Variants in ERC1 observed in about 807,000 individuals in gnomAD.
ERC1 encodes RAB6 interacting protein 2.
A neutral mutation model predicts 132.0 loss-of-function variants in ERC1; 56 were observed. That is an observed-to-expected ratio of 0.42 (90% CI 0.34 to 0.53). The LOEUF (loss-of-function observed/expected upper bound fraction) is 0.53, where lower values mean the gene tolerates loss of function less well. Among genes scored for constraint, ERC1 ranks in the 20% least tolerant of loss-of-function variants. ERC1 has a pLI of 0.03. For missense variants in ERC1, 1,202 were observed against 1,349.9 expected, an observed-to-expected ratio of 0.89 and a Z score of 1.72; for synonymous variants, 478 against 476.1, an observed-to-expected ratio of 1.00 and a Z score of -0.05.
chr12:1,185,767 C>A, intron 11 of ERC1, among the ~76,000 whole-genome samples: 1 of 148,162 alleles, frequency 6.7e-6, no homozygotes. Flanking sequence ...GAGGTGACTA[C>A]AAAATAGAAA....
At chr12:1,424,523 AAC>A (rs902833731) in intron 17 of ERC1, among the ~76,000 whole-genome samples, 4 of 152,172 alleles carry the variant, frequency 2.6e-5, no homozygotes, top group African/African-American at 9.7e-5. Flanking sequence ...TCTCTAAAAG[AAC>A]CATTGGGAAA....
rs56939346 is a variant in ERC1 at position 1,493,548 on chromosome 12, A to AAAAAAAATAT, written c.*3319_*3320insAAAAAATATA. The AAAAAAAATAT allele has an allele frequency of 2.9e-4, 4 of 13,622 alleles. No homozygotes were observed. Among genetic ancestry groups the AAAAAAAATAT allele is most frequent in the Non-Finnish European group, 4.4e-4 (3 of 6,822 alleles). The allele number at this position is 13,622 out of a possible 1,614,324, so 0.8% of individuals were successfully genotyped here. A position where few individuals can be genotyped will look rare whatever the true frequency, so the allele number is the denominator to read the frequency against. On this transcript the variant is annotated 3_prime_UTR_variant, in exon 19 of 19. Coordinates refer to ENST00000360905, the MANE Select transcript of ERC1 (RefSeq NM_178040.4). ...ACTCCATTTAAAAAAAAAAAAAAAA[A>AAAAAAAATAT]ATATATATATATATATATATATATA...
At chr12:1,200,370 T>C (rs945081008) in intron 12 of ERC1, among the ~76,000 whole-genome samples, 4 of 152,148 alleles carry the variant, frequency 2.6e-5, no homozygotes, top group African/African-American at 4.8e-5. Flanking sequence ...TAAATGTTAC[T>C]TTTTTTGAAA....
rs1946399521 is a variant in ERC1 at position 1,115,974 on chromosome 12, G to A, written c.1510G>A (p.Glu504Lys). ...GTTCTCAGATAGTAAACAGCACATT[G>A]AAGTGTTGAAGGAGTCCTTGACTGC... The part of the protein sequence containing the change: ...NQFSDSKQHI[E>K]VLKESLTAKE... Residue 504 changes from glutamate to lysine, a missense_variant, in exon 7 of 19, where the codon GAA becomes AAA. Glu to Lys is a moderately conservative substitution (Grantham distance 56, BLOSUM62 1). Coordinates refer to ENST00000360905, the MANE Select transcript of ERC1 (RefSeq NM_178040.4). 6.2e-7 allele frequency: 1 copy of A among 1,614,120 alleles called. No individual in the cohort carries two copies. Among genetic ancestry groups the A allele is most frequent in the Admixed American group, 1.7e-5 (1 of 60,014 alleles).
intron 8 of ERC1, among the ~76,000 whole-genome samples, chr12:1,143,381 T>TGTGTGTGTGTGTG (rs1566072527): frequency 1.4e-5 from 2 of 144,344 alleles, no homozygotes; most frequent in Non-Finnish European, 3.0e-5. Context: ...TGTGTGTGTG[T>TGTGTGTGTGTGTG]TCAGACTTCT....
At chr12:1,151,917 G>A (rs1222332996) in intron 8 of ERC1, 1 of 152,320 alleles carries the variant, frequency 6.6e-6, no homozygotes. Context: ...AGCTCAGCAA[G>A]GCTGGGCGCG....
chr12:1,407,320 C>T (rs1244208083), intron 16 of ERC1, among the ~76,000 whole-genome samples: 1 of 152,178 alleles, frequency 6.6e-6, no homozygotes, highest in East Asian at 1.9e-4. Context: ...TCTGTCTGAA[C>T]ACCTCACTGA....
intron 8 of ERC1, among the ~76,000 whole-genome samples, chr12:1,159,436 C>T (rs1951690182): frequency 6.6e-6 from 1 of 152,178 alleles, no homozygotes. Context: ...GCTCACTTGT[C>T]TCACCGCTTA....
chr12:1,210,343 G>A (rs1193528936), intron 12 of ERC1, among the ~76,000 whole-genome samples: 3 of 152,188 alleles, frequency 2.0e-5, no homozygotes, highest in Non-Finnish European at 4.4e-5. Context: ...TTGTGTGTAC[G>A]TCAGGATTGC....
intron 3 of ERC1, among the ~76,000 whole-genome samples, chr12:1,102,115 T>C (rs1183107381): frequency 6.6e-6 from 1 of 152,172 alleles, no homozygotes; most frequent in South Asian, 2.1e-4. Context: ...TTTAAAGACG[T>C]TCCTTCTTTA....
At chr12:1,439,967 G>A (rs1049272121) in intron 17 of ERC1, among the ~76,000 whole-genome samples, 6 of 152,146 alleles carry the variant, frequency 3.9e-5, no homozygotes, top group Middle Eastern at 3.2e-3. Context: ...AGAGGCTTAA[G>A]TAGTTTTTTT....
At chr12:1,275,617 A>G (rs998546717) in intron 14 of ERC1, among the ~76,000 whole-genome samples, 1 of 152,168 alleles carries the variant, frequency 6.6e-6, no homozygotes, top group African/African-American at 2.4e-5. Flanking sequence ...TTGCTGGTCA[A>G]TTGCATGTTG....
At position 1,141,757 on chromosome 12, in the gene ERC1, G is replaced by A. The variant is rs777652159; in HGVS notation, c.1707G>A (p.Lys569=). The A allele has an allele frequency of 6.2e-7, 1 of 1,608,862 alleles. No individual in the cohort carries two copies. The highest frequency in any genetic ancestry group is 8.5e-7 in the Non-Finnish European group (1 of 1,177,500). Residue 569 remains lysine, a synonymous_variant, in exon 8 of 19, where the codon AAG becomes AAA. Transcript: ENST00000360905. The part of the protein sequence containing the change: ...IHDLKDMLDV[K]ERKVNVLQKK... Reference sequence around the variant, plus strand: ...ACCTCAAGGACATGTTGGATGTGAAGGAGCGGAAGGTTAATGTTCTTCAGA... The same window carrying A: ...ACCTCAAGGACATGTTGGATGTGAAAGAGCGGAAGGTTAATGTTCTTCAGA...
At chr12:1,315,248 G>A (rs1029424143) in intron 15 of ERC1, among the ~76,000 whole-genome samples, 4 of 151,906 alleles carry the variant, frequency 2.6e-5, no homozygotes, top group Middle Eastern at 3.2e-3. Flanking sequence ...AACTCCTGAC[G>A]TCAGGTGATC....
intron 15 of ERC1, among the ~76,000 whole-genome samples, chr12:1,303,955 GAA>G (rs59587052): frequency 8.1e-5 from 7 of 86,496 alleles, no homozygotes; most frequent in East Asian, 3.3e-4. Flanking sequence ...CTCCATCTCA[GAA>G]AAAAAAAAAA....
At chr12:1,074,798 AG>A (rs1941063165) in intron 2 of ERC1, among the ~76,000 whole-genome samples, 1 of 152,190 alleles carries the variant, frequency 6.6e-6, no homozygotes, top group Admixed American at 6.5e-5. Context: ...AGTAGTTGTT[AG>A]AATTCTAGTG....
intron 17 of ERC1, 130 bp from the exon 18 acceptor site, chr12:1,444,432 A>G (rs1185650986): frequency 4.8e-6 from 3 of 628,660 alleles, no homozygotes; most frequent in African/African-American, 1.8e-5. Context: ...TTCAGTAGTG[A>G]TTAGAAGAGC....
chr12:1,347,083 C>T (rs1032914587), intron 15 of ERC1, among the ~76,000 whole-genome samples: 1 of 151,988 alleles, frequency 6.6e-6, no homozygotes, highest in Non-Finnish European at 1.5e-5. Context: ...GAGACAAACA[C>T]GATTATTTAT....
chr12:1,281,816 A>C (rs972966862), intron 14 of ERC1, among the ~76,000 whole-genome samples: 6 of 152,324 alleles, frequency 3.9e-5, no homozygotes, highest in Non-Finnish European at 7.4e-5. Flanking sequence ...CTGTGCTGTC[A>C]AAGTCACCTA....
Sources: gnomAD v4.1 joint callset for allele counts (sites outside exome capture counted in the v4.1 genomes callset) on GRCh38, gnomAD v4.1.1 for gene constraint, MANE v1.5 for transcripts, NCBI Gene and HGNC (gene_info 2026-07-23, HGNC 2026-07-21) for gene names.